Variants in NME7 observed in about 807,000 individuals in gnomAD.
The protein encoded by NME7 is NME/NM23 family member 7.
Under a neutral mutation model 49.1 loss-of-function variants are expected in NME7, and 41 were observed. The ratio of observed to expected loss-of-function variants is 0.83; its 90% CI spans 0.65 to 1.08. The LOEUF is 1.08. NME7 is among the 50% of genes least tolerant of loss of function. NME7 has a pLI of 0.00. For synonymous variants in NME7, 139 were observed against 150.6 expected (o/e 0.92, Z 0.56); for missense variants, 423 against 463.4 (o/e 0.91, Z 0.80).
chr1:169,237,534 G>A lies in NME7; in HGVS notation c.819+89C>T. 3 of 922,808 alleles carry A rather than the reference G, an allele frequency of 3.3e-6. 1 individual carries two copies. Among genetic ancestry groups the A allele is most frequent in the South Asian group, 3.0e-5 (2 of 67,168 alleles). The allele number at this position is 922,808 out of a possible 1,614,324, so 57.2% of individuals were successfully genotyped here. A position where few individuals can be genotyped will look rare whatever the true frequency, so the allele number is the denominator to read the frequency against. On this transcript the variant is annotated intron_variant, in intron 8 of 11. Transcript: ENST00000367811. ...CTTTTATTTTTAATGTGGTTCATGA[G>A]TACACAGGGAACATTCAATGTAAAG...
rs181346591 is a variant in NME7, at chr1:169,315,482, T to C, written c.279-5402A>G. 4.3e-3 allele frequency among the ~76,000 whole-genome samples: 659 copies of C among 152,144 alleles called. 5 individuals are homozygous for C. The highest frequency in any genetic ancestry group is 0.015 in the African/African-American group (619 of 41,510). ...GGTTTCACCACATTGGCCAGGCTGGTCTCCAACTCCTGACCTCAACTGATC... is the reference window on the plus strand; with the variant it reads ...GGTTTCACCACATTGGCCAGGCTGGCCTCCAACTCCTGACCTCAACTGATC... On this transcript the variant is annotated intron_variant, in intron 3 of 11. Transcript: ENST00000367811.
chr1:169,335,942 C>T lies in NME7; in HGVS notation c.4-11442G>A, dbSNP rs1469855679. Reference sequence around the variant, plus strand: ...GAACATTCTGAGAACATAGTGTGTCCGGAATTGGTGGGTTCTTGGTCTCAC... The same window carrying T: ...GAACATTCTGAGAACATAGTGTGTCTGGAATTGGTGGGTTCTTGGTCTCAC... On this transcript the variant is annotated intron_variant, in intron 1 of 11. Coordinates refer to ENST00000367811, the MANE Select transcript of NME7 (RefSeq NM_013330.5). Among the ~76,000 whole-genome samples, 6 of 151,842 alleles carry T rather than the reference C, an allele frequency of 4.0e-5. No homozygotes were observed. The East Asian group carries it at 9.7e-4, about 25-fold the overall frequency.
At chr1:169,328,683 T>C (rs1571393374) in intron 1 of NME7, among the ~76,000 whole-genome samples, 1 of 152,220 alleles carries the variant, frequency 6.6e-6, no homozygotes, top group Non-Finnish European at 1.5e-5. Context: ...GGATATATCA[T>C]ATTAATAAAT....
At chr1:169,275,355 T>C (rs1649663252) in intron 7 of NME7, among the ~76,000 whole-genome samples, 1 of 128,542 alleles carries the variant, frequency 7.8e-6, no homozygotes, top group Non-Finnish European at 1.8e-5. Context: ...GGCGCGTGCC[T>C]GTAGTCCCAG....
chr1:169,295,964 T>C (rs1327944469), intron 6 of NME7, among the ~76,000 whole-genome samples: 1 of 152,118 alleles, frequency 6.6e-6, no homozygotes. Context: ...CACACCTGCC[T>C]AATCTCTCCA....
intron 11 of NME7, 61 bp downstream of exon 11, chr1:169,169,386 A>G: frequency 1.4e-6 from 2 of 1,445,668 alleles, no homozygotes; most frequent in Non-Finnish European, 1.9e-6. Flanking sequence ...TACACATCAG[A>G]ACTCCTGAGA....
intron 6 of NME7, among the ~76,000 whole-genome samples, chr1:169,289,036 T>C (rs1301790350): frequency 6.6e-6 from 1 of 152,164 alleles, no homozygotes; most frequent in African/African-American, 2.4e-5. Flanking sequence ...TTTCCATTTT[T>C]ACTTCCTCTC....
At chr1:169,249,301 T>C (rs905560320) in intron 7 of NME7, among the ~76,000 whole-genome samples, 102 of 152,278 alleles carry the variant, frequency 6.7e-4, no homozygotes, top group Middle Eastern at 3.4e-3. Flanking sequence ...TGTTGGTGTA[T>C]AGCACTGCTA....
intron 1 of NME7, among the ~76,000 whole-genome samples, chr1:169,332,996 A>G (rs554871312): frequency 2.0e-5 from 3 of 152,350 alleles, no homozygotes; most frequent in African/African-American, 2.4e-5. Flanking sequence ...TATTGAAGAG[A>G]TATCTGCACT....
chr1:169,218,427 T>C (rs1661037716), intron 10 of NME7, among the ~76,000 whole-genome samples: 2 of 151,876 alleles, frequency 1.3e-5, no homozygotes, highest in Non-Finnish European at 2.9e-5. Flanking sequence ...CTCTACAAAA[T>C]ATTTTAAAAC....
intron 10 of NME7, among the ~76,000 whole-genome samples, chr1:169,173,411 C>A (rs184797084): frequency 2.0e-5 from 3 of 151,996 alleles, no homozygotes; most frequent in Admixed American, 2.0e-4. Context: ...CATTAATAAA[C>A]CTCAGAAAAC....
intron 11 of NME7, among the ~76,000 whole-genome samples, chr1:169,136,124 G>A (rs974145374): frequency 6.7e-6 from 1 of 149,764 alleles, no homozygotes; most frequent in Non-Finnish European, 1.5e-5. Context: ...GGCACAGCCA[G>A]TGCCCGATAT....
intron 7 of NME7, among the ~76,000 whole-genome samples, chr1:169,264,149 T>G (rs1571338299): frequency 7.5e-6 from 1 of 132,832 alleles, no homozygotes; most frequent in Admixed American, 7.4e-5. Flanking sequence ...AAAACACACT[T>G]AAGTACACAG....
At chr1:169,214,011 C>T (rs1660906875) in intron 10 of NME7, among the ~76,000 whole-genome samples, 1 of 152,002 alleles carries the variant, frequency 6.6e-6, no homozygotes, top group South Asian at 2.1e-4. Context: ...CTAGTATGTA[C>T]AAGCATATCT....
chr1:169,316,605 G>C (rs1651637776), intron 3 of NME7, among the ~76,000 whole-genome samples: 1 of 152,288 alleles, frequency 6.6e-6, no homozygotes. Flanking sequence ...CTCATCACAT[G>C]AGTCCCTAAA....
chr1:169,280,474 G>A (rs1392170804), intron 7 of NME7, among the ~76,000 whole-genome samples: 2 of 150,664 alleles, frequency 1.3e-5, no homozygotes, highest in African/African-American at 4.8e-5. Context: ...GATCCCATAT[G>A]TCAATTATGG....
intron 10 of NME7, among the ~76,000 whole-genome samples, chr1:169,192,932 T>C (rs945039019): frequency 6.6e-6 from 1 of 152,198 alleles, no homozygotes; most frequent in Non-Finnish European, 1.5e-5. Context: ...AAATATAGAA[T>C]TATTTTATAA....
At chr1:169,268,229 C>T (rs1429555879) in intron 7 of NME7, among the ~76,000 whole-genome samples, 1 of 133,474 alleles carries the variant, frequency 7.5e-6, no homozygotes, top group East Asian at 2.0e-4. Flanking sequence ...AAATCAAAAC[C>T]ACAGTGAGAT....
intron 11 of NME7, among the ~76,000 whole-genome samples, chr1:169,151,359 G>A (rs754579764): frequency 6.6e-6 from 1 of 152,126 alleles, no homozygotes; most frequent in African/African-American, 2.4e-5. Context: ...AAGAGGCCTC[G>A]AGGGGATGGA....
Sources: allele counts gnomAD v4.1 joint callset (sites outside exome capture counted in the v4.1 genomes callset), GRCh38; gene constraint gnomAD v4.1.1; transcripts MANE v1.5; gene names NCBI Gene and HGNC (gene_info 2026-07-23, HGNC 2026-07-21).